The following PCDHA2 variants were observed in gnomAD, a reference collection of about 807,000 sequenced individuals.
PCDHA2 encodes the protein protocadherin alpha-2.
In PCDHA2, 58 loss-of-function variants were observed where a neutral mutation model predicts 66.0. That is an observed-to-expected ratio of 0.88 (90% CI 0.71 to 1.09). The LOEUF is 1.09. PCDHA2 is among the 50% of genes least tolerant of loss of function. The pLI, the probability that PCDHA2 is intolerant of heterozygous loss-of-function variation, is 0.00. For missense variants in PCDHA2, 1,267 were observed against 1,242.3 expected, an observed-to-expected ratio of 1.02 and a Z score of -0.30; for synonymous variants, 634 against 554.0, an observed-to-expected ratio of 1.14 and a Z score of -2.03.
chr5:140,881,259 C>T (rs1285019236), intron 1 of PCDHA2: 6 of 524,478 alleles, frequency 1.1e-5, no homozygotes, highest in Non-Finnish European at 9.8e-6. Flanking sequence ...AGGTTTTACT[C>T]AGTGATGATG....
chr5:140,989,948 C>T (rs1046056940), intron 3 of PCDHA2, among the ~76,000 whole-genome samples: 2 of 151,988 alleles, frequency 1.3e-5, no homozygotes, highest in Admixed American at 6.6e-5. Context: ...ACGTTTTTCT[C>T]GGTGAGACCA....
chr5:140,935,393 C>T (rs1213341467), intron 1 of PCDHA2, among the ~76,000 whole-genome samples: 2 of 152,166 alleles, frequency 1.3e-5, no homozygotes, highest in Admixed American at 6.5e-5. Context: ...TGTTATCCCA[C>T]GGGACTCAAA....
intron 1 of PCDHA2, chr5:140,857,507 G>A (rs782043318): frequency 1.3e-6 from 2 of 1,598,186 alleles, no homozygotes; most frequent in South Asian, 1.1e-5. Context: ...GCAGGAGAAC[G>A]CCCTGGTGTC....
intron 1 of PCDHA2, chr5:140,883,182 A>G (rs2059477264): frequency 6.2e-7 from 1 of 1,614,024 alleles, no homozygotes; most frequent in Non-Finnish European, 8.5e-7. Context: ...ATTAGGACAA[A>G]AGGCAAACTA....
rs1554169514 is a variant in PCDHA2, at chr5:140,877,250, A to C, written c.2388+79898A>C. On this transcript the variant is annotated intron_variant, in intron 1 of 3. Transcript: ENST00000526136. Reference sequence around the variant, plus strand: ...GTGGGTGCGGGCCACGTGGTGGCGAAAGTGCGCGCGGTGGACGCTGACTCC... The same window carrying C: ...GTGGGTGCGGGCCACGTGGTGGCGACAGTGCGCGCGGTGGACGCTGACTCC... 1.9e-6 allele frequency: 3 copies of C among 1,613,668 alleles called. No homozygotes were observed. In the African/African-American group the frequency reaches 4.0e-5, roughly 22 times the overall value.
rs74450843 is a variant in PCDHA2 at position 140,951,654 on chromosome 5, C to A, written c.2389-27295C>A. ...GCCCCATGATCTAATCACCTCCCAC[C>A]AGGGCCTGCCTACAAAATTGGGGAT... On this transcript the variant is annotated intron_variant, in intron 1 of 3. Coordinates refer to ENST00000526136, the MANE Select transcript of PCDHA2 (RefSeq NM_018905.3). 1.1e-4 allele frequency among the ~76,000 whole-genome samples: 16 copies of A among 152,248 alleles called. No homozygotes were observed. In the East Asian group the frequency reaches 3.1e-3, roughly 29 times the overall value.
chr5:140,941,255 C>CTT (rs782490896), intron 1 of PCDHA2, among the ~76,000 whole-genome samples: 1,945 of 44,372 alleles, frequency 0.044, 20 homozygotes, highest in African/African-American at 0.075. Flanking sequence ...TTCTTTCTTT[C>CTT]TCTTTCTTTC....
rs781950915 is a variant in PCDHA2 at position 140,855,998 on chromosome 5, G to A, written c.2388+58646G>A. On this transcript the variant is annotated intron_variant, in intron 1 of 3. Coordinates refer to ENST00000526136, the MANE Select transcript of PCDHA2 (RefSeq NM_018905.3). ...TAGGACAGAAAATGTCAGATCGTAT[G>A]TGCGTTCTAGACCGCTGATTCGTCG... 3.7e-5 allele frequency: 56 copies of A among 1,511,288 alleles called. 3 individuals are homozygous for A. Among genetic ancestry groups the A allele is most frequent in the Non-Finnish European group, 4.9e-5 (55 of 1,120,558 alleles). 93.6% of individuals were successfully genotyped at this position (1,511,288 alleles called of 1,614,324 possible). A position where few individuals can be genotyped will look rare whatever the true frequency, so the allele number is the denominator to read the frequency against.
In PCDHA2 at chr5:140,926,166, C is replaced by G. The variant is rs116217295; in HGVS notation, c.2389-52783C>G. 1.9e-3 allele frequency among the ~76,000 whole-genome samples: 292 copies of G among 151,864 alleles called. 1 individual carries two copies. The highest frequency in any genetic ancestry group is 6.7e-3 in the African/African-American group (280 of 41,552). ...AGCGCGGAAAGCTCTGCAGCAGGAT[C>G]CAGCGCGGAAAGCCCCCCGCAGCAC... On this transcript the variant is annotated intron_variant, in intron 1 of 3. Coordinates refer to ENST00000526136, the MANE Select transcript of PCDHA2 (RefSeq NM_018905.3).
chr5:140,889,259 G>C (rs371831027), intron 1 of PCDHA2, among the ~76,000 whole-genome samples: 37 of 151,916 alleles, frequency 2.4e-4, no homozygotes, highest in African/African-American at 6.7e-4. Context: ...TCCTGTAAAA[G>C]TTTGTATAAT....
At chr5:140,895,116 T>C (rs2064856298) in intron 1 of PCDHA2, among the ~76,000 whole-genome samples, 1 of 152,182 alleles carries the variant, frequency 6.6e-6, no homozygotes, top group African/African-American at 2.4e-5. Flanking sequence ...AAGAAGACAT[T>C]TGTTAGTTGA....
chr5:140,864,848 T>A (rs1581726954), intron 1 of PCDHA2: 1 of 152,184 alleles, frequency 6.6e-6, no homozygotes, highest in Non-Finnish European at 1.5e-5. Flanking sequence ...AGTCTTCCCA[T>A]ACATGATGAA....
chr5:140,870,197 G>A lies in PCDHA2; in HGVS notation c.2388+72845G>A. The stretch of plus-strand genomic sequence containing the variant: ...CCAGTACGAGAGGACGCTCAGCCCA[G>A]CACGGTCATTGCCCTGATCAGCGTG... On this transcript the variant is annotated intron_variant, in intron 1 of 3. Coordinates refer to ENST00000526136, the MANE Select transcript of PCDHA2 (RefSeq NM_018905.3). 1 of 1,614,174 alleles carries A rather than the reference G, an allele frequency of 6.2e-7. No individual in the cohort carries two copies. Among genetic ancestry groups the A allele is most frequent in the East Asian group, 2.2e-5 (1 of 44,880 alleles).
rs2150214533 is a variant in PCDHA2, at chr5:140,834,253, C to T, written c.2388+36901C>T. On this transcript the variant is annotated intron_variant, in intron 1 of 3. Transcript: ENST00000526136. ...GTCATTCCTTTTCGCACTGGAAAGA[C>T]GCTCCACTCTCTTTCACTCTTTGGA... The T allele has an allele frequency of 2.7e-5, 25 of 919,776 alleles. No homozygotes were observed. The East Asian group carries it at 5.9e-4, about 22-fold the overall frequency. The allele number at this position is 919,776 out of a possible 1,614,324, so 57.0% of individuals were successfully genotyped here. A position where few individuals can be genotyped will look rare whatever the true frequency, so the allele number is the denominator to read the frequency against.
At chr5:140,949,628 C>G (rs974912926) in intron 1 of PCDHA2, among the ~76,000 whole-genome samples, 18 of 151,706 alleles carry the variant, frequency 1.2e-4, no homozygotes, top group African/African-American at 4.1e-4. Context: ...GTTTTCATGG[C>G]ATATTGCTTT....
rs1358693370 is a variant in PCDHA2, at chr5:140,846,736, G to C, written c.2388+49384G>C. 1.3e-5 allele frequency among the ~76,000 whole-genome samples: 2 copies of C among 149,142 alleles called. 1 individual carries two copies. Among genetic ancestry groups the C allele is most frequent in the Non-Finnish European group, 3.0e-5 (2 of 66,802 alleles). On this transcript the variant is annotated intron_variant, in intron 1 of 3. Coordinates refer to ENST00000526136, the MANE Select transcript of PCDHA2 (RefSeq NM_018905.3). ...ACCAGTCTTCATTAAACATTAAATA[G>C]GACCCTTACAGATCTCTAACAGCAT...
At chr5:140,817,990 C>T (rs1344899223) in intron 1 of PCDHA2, among the ~76,000 whole-genome samples, 4 of 152,120 alleles carry the variant, frequency 2.6e-5, no homozygotes, top group Non-Finnish European at 5.9e-5. Flanking sequence ...ACTTTGTATA[C>T]TTACTCTGTT....
intron 1 of PCDHA2, chr5:140,876,892 A>G (rs782046911): frequency 1.2e-6 from 2 of 1,614,044 alleles, no homozygotes; most frequent in South Asian, 1.1e-5. Context: ...GGGCTGCCAC[A>G]TCTTCACGGT....
At chr5:140,866,847 A>T (rs1485743697) in intron 1 of PCDHA2, 1 of 152,136 alleles carries the variant, frequency 6.6e-6, no homozygotes, top group African/African-American at 2.4e-5. Context: ...ATCAGTTAAC[A>T]ATAACTGTAT....
Sources: allele counts gnomAD v4.1 joint callset (sites outside exome capture counted in the v4.1 genomes callset), GRCh38; gene constraint gnomAD v4.1.1; transcripts MANE v1.5; gene names NCBI Gene and HGNC (gene_info 2026-07-23, HGNC 2026-07-21).